Variants in SLC9A9 observed in about 807,000 individuals in gnomAD.
SLC9A9 encodes sodium/hydrogen exchanger 9.
A neutral mutation model predicts 77.8 loss-of-function variants in SLC9A9; 62 were observed. The observed-to-expected ratio is 0.80, with a 90% confidence interval of 0.65 to 0.98. The LOEUF is 0.98. Ranked by LOEUF, SLC9A9 falls within the 50% of genes least tolerant of loss-of-function variation. The pLI, the probability that SLC9A9 is intolerant of heterozygous loss-of-function variation, is 0.00. For missense variants in SLC9A9, 775 were observed against 774.9 expected (o/e 1.00, Z 0.00); for synonymous variants, 320 against 283.5 (o/e 1.13, Z -1.29).
At chr3:143,411,743 C>T (rs1460514779) in intron 12 of SLC9A9, among the ~76,000 whole-genome samples, 2 of 152,108 alleles carry the variant, frequency 1.3e-5, no homozygotes, top group African/African-American at 2.4e-5. Context: ...TCTCTCTTCC[C>T]CTGGTTACAA....
At chr3:143,580,916 A>G (rs1413031878) in intron 6 of SLC9A9, among the ~76,000 whole-genome samples, 1 of 152,240 alleles carries the variant, frequency 6.6e-6, no homozygotes, top group African/African-American at 2.4e-5. Flanking sequence ...TTTAATAGGT[A>G]TAGGAAGTGG....
At chr3:143,468,205 A>G (rs1300777118) in intron 11 of SLC9A9, among the ~76,000 whole-genome samples, 2 of 152,230 alleles carry the variant, frequency 1.3e-5, no homozygotes, top group Admixed American at 1.3e-4. Context: ...ATCACTAGGT[A>G]GTATAGTATT....
intron 9 of SLC9A9, among the ~76,000 whole-genome samples, chr3:143,521,496 G>A (rs1312355485): frequency 2.0e-5 from 3 of 152,104 alleles, no homozygotes; most frequent in African/African-American, 7.2e-5. Context: ...CCCTTTTGAT[G>A]TATGAGTTTA....
chr3:143,278,268 C>T (rs930699172), intron 14 of SLC9A9, among the ~76,000 whole-genome samples: 10 of 152,164 alleles, frequency 6.6e-5, no homozygotes, highest in African/African-American at 9.7e-5. Context: ...GGGAGGAAGA[C>T]GGCAAACACA....
intron 6 of SLC9A9, among the ~76,000 whole-genome samples, chr3:143,609,771 C>T (rs1348705114): frequency 1.3e-5 from 2 of 152,084 alleles, no homozygotes; most frequent in Non-Finnish European, 2.9e-5. Flanking sequence ...GATATCTTTC[C>T]ACATCGGCTC....
rs1052164400 is a variant in SLC9A9, at chr3:143,501,743, G to C, written c.1090-6295C>G. Among the ~76,000 whole-genome samples, 17 of 150,844 alleles carry C rather than the reference G, an allele frequency of 1.1e-4. 1 individual carries two copies. The highest frequency in any genetic ancestry group is 1.8e-4 in the Non-Finnish European group (12 of 68,020). ...CACTCCTTTTGTCTATTTATATCAC[G>C]TAACAACATTTCTTTGAATGAACAG... is the stretch of plus-strand genomic sequence containing the variant. On this transcript the variant is annotated intron_variant, in intron 9 of 15. Coordinates refer to ENST00000316549, the MANE Select transcript of SLC9A9 (RefSeq NM_173653.4).
chr3:143,834,194 C>A (rs909873345), intron 1 of SLC9A9, among the ~76,000 whole-genome samples: 1 of 152,072 alleles, frequency 6.6e-6, no homozygotes, highest in African/African-American at 2.4e-5. Flanking sequence ...AAATTGTATC[C>A]AAATCTCTGG....
At chr3:143,374,280 C>G (rs1488889389) in intron 13 of SLC9A9, among the ~76,000 whole-genome samples, 1 of 151,774 alleles carries the variant, frequency 6.6e-6, no homozygotes, top group South Asian at 2.1e-4. Context: ...AAAAAATTAG[C>G]CGGGCGTGGT....
intron 4 of SLC9A9, among the ~76,000 whole-genome samples, chr3:143,767,877 G>A (rs1421922728): frequency 6.6e-6 from 1 of 152,038 alleles, no homozygotes; most frequent in Non-Finnish European, 1.5e-5. Context: ...AACTATACAG[G>A]TAGTAATTAT....
chr3:143,708,941 G>A (rs1481353356), intron 4 of SLC9A9, among the ~76,000 whole-genome samples: 4 of 152,194 alleles, frequency 2.6e-5, no homozygotes, highest in Admixed American at 2.0e-4. Flanking sequence ...AAGGTTCAGA[G>A]GAGGGAAGGA....
chr3:143,426,977 C>T (rs912164069), intron 12 of SLC9A9, among the ~76,000 whole-genome samples: 6 of 152,230 alleles, frequency 3.9e-5, no homozygotes, highest in South Asian at 2.1e-4. Flanking sequence ...AGAGCCCACA[C>T]TTAACAGCCG....
intron 12 of SLC9A9, among the ~76,000 whole-genome samples, chr3:143,399,139 ATTATC>A (rs1410229582): frequency 6.6e-6 from 1 of 152,154 alleles, no homozygotes; most frequent in Admixed American, 6.5e-5. Flanking sequence ...TTAATAATGC[ATTATC>A]TTGTTTTTTG....
At chr3:143,811,047 T>G (rs2008851616) in intron 2 of SLC9A9, among the ~76,000 whole-genome samples, 1 of 152,162 alleles carries the variant, frequency 6.6e-6, no homozygotes, top group South Asian at 2.1e-4. Flanking sequence ...TGCAGAACCA[T>G]GCTCTCCTGC....
chr3:143,827,750 A>G (rs2009336174), intron 2 of SLC9A9, among the ~76,000 whole-genome samples: 1 of 152,228 alleles, frequency 6.6e-6, no homozygotes, highest in Non-Finnish European at 1.5e-5. Context: ...CATCCAAGAC[A>G]CTAAACTATA....
chr3:143,646,116 G>A (rs1332216652), intron 6 of SLC9A9, among the ~76,000 whole-genome samples: 1 of 151,710 alleles, frequency 6.6e-6, no homozygotes, highest in East Asian at 1.9e-4. Context: ...ATGTTAATGG[G>A]GATTTTTGGG....
intron 12 of SLC9A9, among the ~76,000 whole-genome samples, chr3:143,417,314 C>T (rs921228333): frequency 1.3e-5 from 2 of 151,962 alleles, no homozygotes; most frequent in Non-Finnish European, 2.9e-5. Context: ...TTTGCCTTCC[C>T]CCCAAAGTTT....
At chr3:143,324,632 G>A (rs1272114202) in intron 14 of SLC9A9, among the ~76,000 whole-genome samples, 1 of 152,000 alleles carries the variant, frequency 6.6e-6, no homozygotes, top group Non-Finnish European at 1.5e-5. Flanking sequence ...GATCAGCCTG[G>A]GCAACATGGC....
intron 13 of SLC9A9, among the ~76,000 whole-genome samples, chr3:143,375,247 CA>C (rs1384493216): frequency 6.6e-6 from 1 of 152,212 alleles, no homozygotes; most frequent in Non-Finnish European, 1.5e-5. Flanking sequence ...AAACTGTTTA[CA>C]TTGGCTCATG....
At chr3:143,793,705 T>C (rs918894922) in intron 4 of SLC9A9, among the ~76,000 whole-genome samples, 1 of 152,220 alleles carries the variant, frequency 6.6e-6, no homozygotes, top group Admixed American at 6.5e-5. Flanking sequence ...TTCTCAGAGA[T>C]GGTAAGATTG....
Sources: allele counts gnomAD v4.1 joint callset (sites outside exome capture counted in the v4.1 genomes callset), GRCh38; gene constraint gnomAD v4.1.1; transcripts MANE v1.5; gene names NCBI Gene and HGNC (gene_info 2026-07-23, HGNC 2026-07-21).